Variants in HAO2 observed in about 807,000 individuals in gnomAD.
The protein encoded by HAO2 is 2-Hydroxyacid oxidase 2.
In HAO2, 42 loss-of-function variants were observed where a neutral mutation model predicts 37.4. The ratio of observed to expected loss-of-function variants is 1.12; its 90% CI spans 0.88 to 1.45. The LOEUF is 1.45. HAO2 is among the 40% of genes most tolerant of loss of function. The probability of loss-of-function intolerance (pLI) is 0.00; values close to 1 mark genes in which losing one functional copy is unlikely to be tolerated. For missense variants in HAO2, 476 were observed against 430.2 expected, an observed-to-expected ratio of 1.11 and a Z score of -0.94; for synonymous variants, 180 against 162.8, an observed-to-expected ratio of 1.11 and a Z score of -0.81.
rs761660555 is a variant in HAO2 at position 119,384,921 on chromosome 1, G to C, written c.429G>C (p.Gln143His). 5.6e-6 allele frequency: 9 copies of C among 1,613,934 alleles called. No individual in the cohort carries two copies. In the Admixed American group the frequency reaches 8.3e-5, roughly 15 times the overall value. Residue 143 changes from glutamine (Q) to histidine (H), a missense_variant, in exon 4 of 8, where the codon CAG becomes CAC. Gln to His is a conservative substitution (Grantham distance 24). Transcript: ENST00000325945. ...TGCAGCTGAACAAACAGTTGATCCAGAGGGTAGAATCCCTAGGTTTCAAAG... is the reference window on the plus strand; with the variant it reads ...TGCAGCTGAACAAACAGTTGATCCACAGGGTAGAATCCCTAGGTTTCAAAG... ...PDLQLNKQLI[Q>H]RVESLGFKAL...
At chr1:119,379,106 C>A (rs1315653317) in intron 1 of HAO2, among the ~76,000 whole-genome samples, 1 of 152,120 alleles carries the variant, frequency 6.6e-6, no homozygotes, top group African/African-American at 2.4e-5. Flanking sequence ...AGTCCTCTGC[C>A]AGTGGACTCA....
At position 119,384,930 on chromosome 1, in the gene HAO2, A is replaced by G. The variant is rs780389771; in HGVS notation, c.438A>G (p.Glu146=). 1.9e-6 allele frequency: 3 copies of G among 1,614,032 alleles called. No homozygotes were observed. Among genetic ancestry groups the G allele is most frequent in the Non-Finnish European group, 2.5e-6 (3 of 1,179,894 alleles). ...ACAAACAGTTGATCCAGAGGGTAGAATCCCTAGGTTTCAAAGCTTTGGTAA... is the reference window on the plus strand; with the variant it reads ...ACAAACAGTTGATCCAGAGGGTAGAGTCCCTAGGTTTCAAAGCTTTGGTAA... ...QLNKQLIQRV[E]SLGFKALVIT... Residue 146 remains glutamate (E), a synonymous_variant, in exon 4 of 8, where the codon GAA becomes GAG. Coordinates refer to ENST00000325945, the MANE Select transcript of HAO2 (RefSeq NM_016527.4).
In HAO2 at chr1:119,385,189, C is replaced by T. The variant is rs966645367; in HGVS notation, c.561+136C>T. 17 of 1,424,806 alleles carry T rather than the reference C, an allele frequency of 1.2e-5. No individual in the cohort carries two copies. In the African/African-American group the frequency reaches 2.3e-4, roughly 19 times the overall value. 88.3% of individuals were successfully genotyped at this position (1,424,806 alleles called of 1,614,324 possible). A position where few individuals can be genotyped will look rare whatever the true frequency, so the allele number is the denominator to read the frequency against. ...TCTGTGCCAGACACTGCGGATAAAG[C>T]AGTTTCAAAAAGCAGATATGGTTCC... On this transcript the variant is annotated intron_variant, in intron 4 of 7. Transcript: ENST00000325945.
chr1:119,385,921 T>C, intron 4 of HAO2: 2 of 977,824 alleles, frequency 2.0e-6, no homozygotes, highest in Non-Finnish European at 2.4e-6. Flanking sequence ...ACTGATTTAG[T>C]ATTGCTTAGT....
rs1414265363 is a variant in HAO2, at chr1:119,385,066, C to G, written c.561+13C>G. ...ATCACCTAAAAAGGTAAGAAAGATA[C>G]CAAATTCGATGGACAGGCATTACAA... On this transcript the variant is annotated intron_variant, in intron 4 of 7. Coordinates refer to ENST00000325945, the MANE Select transcript of HAO2 (RefSeq NM_016527.4). 6.3e-7 allele frequency: 1 copy of G among 1,599,866 alleles called. No individual in the cohort carries two copies. The highest frequency in any genetic ancestry group is 8.5e-7 in the Non-Finnish European group (1 of 1,169,776).
chr1:119,377,553 G>A (rs772622975), intron 1 of HAO2, among the ~76,000 whole-genome samples: 4 of 152,038 alleles, frequency 2.6e-5, no homozygotes, highest in African/African-American at 4.8e-5. Context: ...TTATAGCAGC[G>A]TCCCACTACC....
intron 5 of HAO2, 65 bp from the exon 6 acceptor site, chr1:119,392,045 C>T: frequency 6.9e-7 from 1 of 1,443,224 alleles, no homozygotes; most frequent in Non-Finnish European, 9.5e-7. Context: ...TGGTCATATG[C>T]CAGGAAGACC....
At chr1:119,390,106 G>C (rs751980107) in intron 5 of HAO2, among the ~76,000 whole-genome samples, 10 of 152,014 alleles carry the variant, frequency 6.6e-5, no homozygotes, top group Non-Finnish European at 1.5e-4. Context: ...GTAAGTATTT[G>C]GATTTATTTC....
At chr1:119,391,773 T>G (rs1302304614) in intron 5 of HAO2, among the ~76,000 whole-genome samples, 1 of 152,080 alleles carries the variant, frequency 6.6e-6, no homozygotes, top group Admixed American at 6.6e-5. Flanking sequence ...AAATCAAAAG[T>G]CAAAATGTTT....
At chr1:119,381,843 T>C (rs933021886) in intron 2 of HAO2, among the ~76,000 whole-genome samples, 4 of 152,210 alleles carry the variant, frequency 2.6e-5, no homozygotes, top group African/African-American at 9.7e-5. Flanking sequence ...ATAAAAATTA[T>C]ATGAAGTTCA....
intron 1 of HAO2, among the ~76,000 whole-genome samples, chr1:119,373,777 G>A (rs756140513): frequency 6.6e-6 from 1 of 152,146 alleles, no homozygotes; most frequent in Non-Finnish European, 1.5e-5. Context: ...CATGCTTACA[G>A]GTTGAGAAGG....
Position 119,381,149 on chromosome 1 carries a change from C to T in HAO2, c.64C>T (p.Arg22Trp), listed in dbSNP as rs374571177. The T allele has an allele frequency of 1.8e-5, 29 of 1,609,548 alleles. No individual in the cohort carries two copies. The highest frequency in any genetic ancestry group is 1.4e-4 in the South Asian group (13 of 91,000). The part of the protein sequence containing the change: ...HAREQLSKST[R>W]DFIEGGADDS... The stretch of plus-strand genomic sequence containing the variant: ...GCGAGAGCAGCTGTCTAAGTCAACT[C>T]GGGATTTTATTGAAGGTGGAGCAGA... Residue 22 changes from arginine to tryptophan, a missense_variant, in exon 2 of 8, where the codon CGG becomes TGG. Physicochemically the swap from Arg to Trp is moderately radical, Grantham distance 101. Transcript: ENST00000325945.
chr1:119,379,626 C>A (rs1269194815), intron 1 of HAO2, among the ~76,000 whole-genome samples: 1 of 152,094 alleles, frequency 6.6e-6, no homozygotes, highest in Non-Finnish European at 1.5e-5. Context: ...CAACTCCATA[C>A]CTCAATGTTC....
chr1:119,381,287 G>T, intron 2 of HAO2, 71 bp downstream of exon 2: 1 of 1,092,460 alleles, frequency 9.2e-7, no homozygotes, highest in South Asian at 1.3e-5. Flanking sequence ...GACAGTAGTA[G>T]TCCTGGTTTC....
chr1:119,383,164 A>T (rs1486972112), intron 3 of HAO2, 98 bp downstream of exon 3: 2 of 807,822 alleles, frequency 2.5e-6, no homozygotes, highest in African/African-American at 3.4e-5. Flanking sequence ...GGCCTTAGGA[A>T]CATAATCTGG....
chr1:119,387,398 T>C (rs933246744), intron 5 of HAO2, among the ~76,000 whole-genome samples: 2 of 152,208 alleles, frequency 1.3e-5, no homozygotes, highest in African/African-American at 2.4e-5. Context: ...CATTGAGTTA[T>C]ATTTTTTCAA....
intron 1 of HAO2, among the ~76,000 whole-genome samples, chr1:119,369,590 C>G (rs974999035): frequency 6.6e-6 from 1 of 152,172 alleles, no homozygotes; most frequent in East Asian, 1.9e-4. Context: ...CTACTATATT[C>G]TGCATTTTAC....
intron 5 of HAO2, among the ~76,000 whole-genome samples, chr1:119,389,385 T>C (rs1437898412): frequency 6.6e-6 from 1 of 151,252 alleles, no homozygotes; most frequent in African/African-American, 2.4e-5. Context: ...TTTTCCATAA[T>C]AGTTGTACTA....
At chr1:119,379,855 TGAG>T (rs1649777826) in intron 1 of HAO2, among the ~76,000 whole-genome samples, 1 of 152,256 alleles carries the variant, frequency 6.6e-6, no homozygotes, top group Non-Finnish European at 1.5e-5. Flanking sequence ...TGGCTTGACT[TGAG>T]GTATCCTCAA....
Sources: allele counts gnomAD v4.1 joint callset (sites outside exome capture counted in the v4.1 genomes callset), GRCh38; gene constraint gnomAD v4.1.1; transcripts MANE v1.5; gene names NCBI Gene and HGNC (gene_info 2026-07-23, HGNC 2026-07-21).